RBFOX1: variants seen among roughly 807,000 people sequenced by gnomAD.
RBFOX1 encodes RNA binding fox-1 homolog 1.
A neutral mutation model predicts 57.7 loss-of-function variants in RBFOX1; 8 were observed. The ratio of observed to expected loss-of-function variants is 0.14; its 90% CI spans 0.08 to 0.25. The LOEUF is 0.25. RBFOX1 is among the 10% of genes least tolerant of loss of function. The pLI, the probability that RBFOX1 is intolerant of heterozygous loss-of-function variation, is 1.00. For synonymous variants in RBFOX1, 326 were observed against 222.4 expected (o/e 1.47, Z -4.15); for missense variants, 611 against 548.5 (o/e 1.11, Z -1.14).
intron 1 of RBFOX1, among the ~76,000 whole-genome samples, chr16:6,300,548 A>C (rs897298334): frequency 9.9e-5 from 15 of 152,210 alleles, no homozygotes; most frequent in African/African-American, 2.4e-4. Flanking sequence ...TATTTAGCGG[A>C]GTACTCATTA....
chr16:6,032,354 G>A (rs1040828806), intron 1 of RBFOX1, among the ~76,000 whole-genome samples: 5 of 143,628 alleles, frequency 3.5e-5, no homozygotes, highest in Non-Finnish European at 6.0e-5. Flanking sequence ...AATTTAATTT[G>A]CCTCTAACCC....
rs140455434 is a variant in RBFOX1, at chr16:6,183,686, G to A, written c.-126-133309G>A. Among the ~76,000 whole-genome samples the A allele has an allele frequency of 5.8e-3, 880 of 152,104 alleles. 6 individuals carry two copies. The highest frequency in any genetic ancestry group is 0.01 in the Middle Eastern group (3 of 292). On this transcript the variant is annotated intron_variant, in intron 1 of 15. Transcript: ENST00000550418. ...TCTAGAAGATCAGAAAGAAGGAACG[G>A]CCGGTGTAAAGACACCTGGCTGCAG...
At chr16:7,137,369 G>T (rs924594247) in intron 4 of RBFOX1, among the ~76,000 whole-genome samples, 1 of 152,134 alleles carries the variant, frequency 6.6e-6, no homozygotes, top group Non-Finnish European at 1.5e-5. Flanking sequence ...GGAGATAATC[G>T]AATTGTGGGG....
intron 4 of RBFOX1, among the ~76,000 whole-genome samples, chr16:7,275,405 A>T (rs1197442125): frequency 6.6e-6 from 1 of 152,224 alleles, no homozygotes; most frequent in East Asian, 1.9e-4. Flanking sequence ...TCATTCATTT[A>T]TCAAATATTT....
At position 6,169,241 on chromosome 16, in the gene RBFOX1, C is replaced by T. The variant is rs192457161; in HGVS notation, c.-126-147754C>T. Among the ~76,000 whole-genome samples the T allele has an allele frequency of 3.4e-4, 51 of 152,048 alleles. No homozygotes were observed. The East Asian group carries it at 4.8e-3, about 14-fold the overall frequency. On this transcript the variant is annotated intron_variant, in intron 1 of 15. Transcript: ENST00000550418. Reference sequence around the variant, plus strand: ...GGAACTTGAAAGCAAGAGTAGAACTCGGCAAATGTGGAAGTTAAAGATAAA... The same window carrying T: ...GGAACTTGAAAGCAAGAGTAGAACTTGGCAAATGTGGAAGTTAAAGATAAA...
intron 3 of RBFOX1, among the ~76,000 whole-genome samples, chr16:6,741,369 T>G (rs2072053129): frequency 6.6e-6 from 1 of 152,072 alleles, no homozygotes; most frequent in Non-Finnish European, 1.5e-5. Context: ...AAATTAGACT[T>G]CATCAAAATT....
chr16:6,322,066 G>T (rs758873575), intron 2 of RBFOX1, among the ~76,000 whole-genome samples: 7 of 152,150 alleles, frequency 4.6e-5, no homozygotes, highest in African/African-American at 9.7e-5. Context: ...TACTAACATT[G>T]TCTTTGTTTT....
chr16:5,839,062 C>G (rs11645560), intron 3 of RBFOX1, among the ~76,000 whole-genome samples: 80,642 of 152,002 alleles, frequency 0.53, 21,915 homozygotes, highest in East Asian at 0.73. Context: ...TAAACCACCT[C>G]CAAAGCACAG....
chr16:6,899,051 T>C (rs886569584), intron 3 of RBFOX1, among the ~76,000 whole-genome samples: 5 of 151,630 alleles, frequency 3.3e-5, no homozygotes, highest in African/African-American at 1.2e-4. Context: ...TATGCATGTG[T>C]ATGTATAATA....
chr16:6,894,611 G>C (rs568434449), intron 3 of RBFOX1, among the ~76,000 whole-genome samples: 1 of 152,124 alleles, frequency 6.6e-6, no homozygotes, highest in African/African-American at 2.4e-5. Flanking sequence ...GTGCAATTTC[G>C]TGACAGTTTT....
intron 2 of RBFOX1, among the ~76,000 whole-genome samples, chr16:6,434,918 A>G (rs111635466): frequency 0.024 from 3,614 of 152,318 alleles, 154 homozygotes; most frequent in African/African-American, 0.08. Flanking sequence ...GACAAACATG[A>G]GGCCAGCTTC....
intron 5 of RBFOX1, among the ~76,000 whole-genome samples, chr16:7,538,655 C>T (rs992663510): frequency 6.6e-6 from 1 of 152,136 alleles, no homozygotes; most frequent in African/African-American, 2.4e-5. Flanking sequence ...TTCAGTTATG[C>T]ATTGCTGCCT....
intron 4 of RBFOX1, among the ~76,000 whole-genome samples, chr16:7,216,095 C>A (rs80160512): frequency 6.6e-6 from 1 of 151,928 alleles, no homozygotes; most frequent in Non-Finnish European, 1.5e-5. Flanking sequence ...TAGCATAATG[C>A]TTACGGGGTT....
chr16:7,414,220 G>T (rs1202429058), intron 4 of RBFOX1, among the ~76,000 whole-genome samples: 1 of 152,212 alleles, frequency 6.6e-6, no homozygotes, highest in African/African-American at 2.4e-5. Context: ...AGGTGGTAGG[G>T]ATACAGAAAT....
intron 4 of RBFOX1, among the ~76,000 whole-genome samples, chr16:7,213,762 A>C (rs2091564053): frequency 6.6e-6 from 1 of 152,206 alleles, no homozygotes; most frequent in African/African-American, 2.4e-5. Context: ...TGAATAACGG[A>C]TAGAGCCATA....
intron 3 of RBFOX1, among the ~76,000 whole-genome samples, chr16:6,689,836 C>G (rs367706942): frequency 5.3e-5 from 8 of 152,264 alleles, no homozygotes; most frequent in African/African-American, 1.9e-4. Context: ...GGGCAGTAAG[C>G]TTTGTCTCCT....
At chr16:7,393,181 T>G (rs2098073342) in intron 4 of RBFOX1, among the ~76,000 whole-genome samples, 1 of 152,088 alleles carries the variant, frequency 6.6e-6, no homozygotes, top group Non-Finnish European at 1.5e-5. Context: ...ACCTGGTGTC[T>G]TGATTTTTAT....
chr16:7,385,394 A>G (rs941929757), intron 4 of RBFOX1, among the ~76,000 whole-genome samples: 2 of 152,196 alleles, frequency 1.3e-5, no homozygotes, highest in African/African-American at 4.8e-5. Context: ...ATTAACAGGC[A>G]GATCTGGGAA....
At chr16:6,821,050 A>G (rs561327009) in intron 3 of RBFOX1, among the ~76,000 whole-genome samples, 4 of 152,342 alleles carry the variant, frequency 2.6e-5, no homozygotes, top group African/African-American at 4.8e-5. Flanking sequence ...ACAGATTCCT[A>G]TATATTTCCA....
Sources: allele counts gnomAD v4.1 joint callset (sites outside exome capture counted in the v4.1 genomes callset), GRCh38; gene constraint gnomAD v4.1.1; transcripts MANE v1.5; gene names NCBI Gene and HGNC (gene_info 2026-07-23, HGNC 2026-07-21).